The following SUGCT variants were observed in gnomAD, a reference collection of about 807,000 sequenced individuals.
SUGCT encodes succinyl-CoA:glutarate-CoA transferase.
SUGCT carries 41 observed loss-of-function variants against 55.0 expected under a neutral mutation model. That is an observed-to-expected ratio of 0.74 (90% CI 0.58 to 0.97). The LOEUF is 0.97. Ranked by LOEUF, SUGCT falls within the 50% of genes least tolerant of loss-of-function variation. The probability of loss-of-function intolerance (pLI) is 0.00; values close to 1 mark genes in which losing one functional copy is unlikely to be tolerated. For missense variants in SUGCT, 568 were observed against 547.8 expected (o/e 1.04, Z -0.37); for synonymous variants, 187 against 200.4 (o/e 0.93, Z 0.56).
chr7:40,676,193 C>A (rs1310161913), intron 12 of SUGCT, among the ~76,000 whole-genome samples: 1 of 152,034 alleles, frequency 6.6e-6, no homozygotes, highest in Non-Finnish European at 1.5e-5. Context: ...AGCAAAGGGA[C>A]TGATTAAAAA....
chr7:41,007,705 A>G, the SUGCT span, among the ~76,000 whole-genome samples: 1 of 152,124 alleles, frequency 6.6e-6, no homozygotes, highest in Non-Finnish European at 1.5e-5. Flanking sequence ...TATGCAAAAA[A>G]CAAGAAAAAG....
intron 12 of SUGCT, among the ~76,000 whole-genome samples, chr7:40,553,236 G>A (rs560247785): frequency 1.2e-4 from 19 of 152,268 alleles, no homozygotes; most frequent in Admixed American, 4.6e-4. Flanking sequence ...GAAAGAATGA[G>A]TTGAATTTGA....
At chr7:40,443,181 A>T (rs1017067048) in intron 9 of SUGCT, among the ~76,000 whole-genome samples, 2 of 152,204 alleles carry the variant, frequency 1.3e-5, no homozygotes, top group Admixed American at 6.5e-5. Context: ...CGCAGTAAAC[A>T]TACGTGTGCA....
At chr7:40,862,298 A>G (rs547811252), downstream of SUGCT, among the ~76,000 whole-genome samples, 44 of 152,318 alleles carry the variant, frequency 2.9e-4, 1 homozygote, top group South Asian at 8.7e-3. Context: ...GAAATCATAT[A>G]TGTAAGTGTC....
intron 10 of SUGCT, among the ~76,000 whole-genome samples, chr7:40,450,206 G>A (rs1381924229): frequency 1.3e-5 from 2 of 152,012 alleles, no homozygotes; most frequent in Non-Finnish European, 2.9e-5. Context: ...AGAATTACAG[G>A]CGTGAACCAC....
intron 9 of SUGCT, among the ~76,000 whole-genome samples, chr7:40,364,008 T>A (rs1300741427): frequency 6.6e-6 from 1 of 151,932 alleles, no homozygotes; most frequent in Non-Finnish European, 1.5e-5. Flanking sequence ...CTGTATTGGG[T>A]GCATATATAT....
intron 11 of SUGCT, among the ~76,000 whole-genome samples, chr7:40,475,987 G>T (rs1157701789): frequency 6.6e-6 from 1 of 152,106 alleles, no homozygotes; most frequent in Non-Finnish European, 1.5e-5. Flanking sequence ...TGGTATAGCA[G>T]GGGGGTGGGA....
chr7:40,724,038 A>T (rs760626347), intron 12 of SUGCT, among the ~76,000 whole-genome samples: 1 of 152,246 alleles, frequency 6.6e-6, no homozygotes, highest in Non-Finnish European at 1.5e-5. Flanking sequence ...GAGACCAGAC[A>T]TCATGTGAAG....
intron 7 of SUGCT, among the ~76,000 whole-genome samples, chr7:40,252,490 C>T (rs956703825): frequency 6.6e-6 from 1 of 152,054 alleles, no homozygotes; most frequent in African/African-American, 2.4e-5. Context: ...TTTTATGAAA[C>T]AGAACAAATT....
At chr7:40,141,746 T>TAGC (rs376804841) in intron 1 of SUGCT, 94 of 254,650 alleles carry the variant, frequency 3.7e-4, no homozygotes, top group African/African-American at 1.9e-3. Context: ...CTGACTCCAG[T>TAGC]AGCCCATGTT....
At chr7:40,576,226 G>A (rs1796748192) in intron 12 of SUGCT, among the ~76,000 whole-genome samples, 1 of 152,190 alleles carries the variant, frequency 6.6e-6, no homozygotes, top group South Asian at 2.1e-4. Context: ...GTGATGAGAA[G>A]TGTTTATCTG....
At chr7:40,559,058 G>T (rs1434782716) in intron 12 of SUGCT, among the ~76,000 whole-genome samples, 2 of 152,188 alleles carry the variant, frequency 1.3e-5, no homozygotes, top group Non-Finnish European at 2.9e-5. Context: ...CTCAGAATTT[G>T]CAATAATCCT....
chr7:40,401,461 A>C (rs555847888), intron 9 of SUGCT, among the ~76,000 whole-genome samples: 1 of 152,306 alleles, frequency 6.6e-6, no homozygotes, highest in East Asian at 1.9e-4. Context: ...GAAGTGGAAT[A>C]GCATGTTAAG....
the SUGCT span, chr7:40,979,403 A>G: frequency 6.6e-6 from 1 of 152,188 alleles, no homozygotes; most frequent in African/African-American, 2.4e-5. Context: ...ACGCATTTGC[A>G]TTTTTCTCCA....
At chr7:40,619,933 G>A (rs183196826) in intron 12 of SUGCT, among the ~76,000 whole-genome samples, 3 of 152,284 alleles carry the variant, frequency 2.0e-5, no homozygotes, top group Admixed American at 2.0e-4. Flanking sequence ...CACAGCAACA[G>A]GATAACTTAG....
chr7:40,379,143 C>T (rs1784747184), intron 9 of SUGCT, among the ~76,000 whole-genome samples: 1 of 152,122 alleles, frequency 6.6e-6, no homozygotes. Context: ...TGGCAGCTAC[C>T]AGAAGGTAGA....
At chr7:40,564,155 C>T (rs1795998238) in intron 12 of SUGCT, among the ~76,000 whole-genome samples, 1 of 152,164 alleles carries the variant, frequency 6.6e-6, no homozygotes, top group Non-Finnish European at 1.5e-5. Flanking sequence ...AGGCGGATCA[C>T]GAGGTCAGGA....
intron 12 of SUGCT, among the ~76,000 whole-genome samples, chr7:40,739,120 T>C (rs1230293576): frequency 1.3e-5 from 2 of 152,208 alleles, no homozygotes; most frequent in Non-Finnish European, 2.9e-5. Context: ...TGGTAACTTC[T>C]TGCAAAACTA....
intron 1 of SUGCT, among the ~76,000 whole-genome samples, chr7:40,161,780 T>C (rs191485816): frequency 1.2e-4 from 19 of 152,214 alleles, no homozygotes; most frequent in Non-Finnish European, 2.4e-4. Flanking sequence ...CCTGAACACC[T>C]AAGTTTTTTC....
Sources: allele counts gnomAD v4.1 joint callset (sites outside exome capture counted in the v4.1 genomes callset), GRCh38; gene constraint gnomAD v4.1.1; transcripts MANE v1.5; gene names NCBI Gene and HGNC (gene_info 2026-07-23, HGNC 2026-07-21).